Variants in SERPINB2 observed in about 807,000 individuals in gnomAD.
SERPINB2 encodes serpin family B member 2.
A neutral mutation model predicts 39.4 loss-of-function variants in SERPINB2; 28 were observed. The observed-to-expected ratio is 0.71, with a 90% CI of 0.53 to 0.97. The LOEUF is 0.97. SERPINB2 is among the 50% of genes least tolerant of loss of function. The probability of loss-of-function intolerance (pLI) is 0.00; values close to 1 mark genes in which losing one functional copy is unlikely to be tolerated. For missense variants in SERPINB2, 557 were observed against 505.3 expected, an observed-to-expected ratio of 1.10 and a Z score of -0.98; for synonymous variants, 209 against 175.1, an observed-to-expected ratio of 1.19 and a Z score of -1.53.
At chr18:63,890,610 T>C (rs1436256545) in intron 1 of SERPINB2, 1 of 152,186 alleles carries the variant, frequency 6.6e-6, no homozygotes, top group Non-Finnish European at 1.5e-5. Context: ...TACCTTGGTG[T>C]ATACATGAGT....
intron 5 of SERPINB2, among the ~76,000 whole-genome samples, chr18:63,898,663 A>G (rs958376601): frequency 6.6e-6 from 1 of 152,206 alleles, no homozygotes; most frequent in Non-Finnish European, 1.5e-5. Context: ...ATAGAGTAGT[A>G]GTCAGTGCTT....
intron 1 of SERPINB2, 53 bp from the exon 2 acceptor site, chr18:63,891,383 A>G (rs1020856109): frequency 4.1e-5 from 66 of 1,595,870 alleles, no homozygotes; most frequent in Middle Eastern, 1.7e-4. Context: ...ACCTCACCCA[A>G]AATGTTACCT....
chr18:63,892,927 T>C (rs1358183023), intron 2 of SERPINB2, among the ~76,000 whole-genome samples: 1 of 152,186 alleles, frequency 6.6e-6, no homozygotes, highest in East Asian at 1.9e-4. Context: ...CTTAGGTTTT[T>C]TTCTTTTTTC....
Position 63,891,493 on chromosome 18 carries a change from A to C in SERPINB2, c.49A>C (p.Lys17Gln). Reference protein sequence around the residue: ...ANTLFALNLFKHLAKASPTQN... With the variant: ...ANTLFALNLFQHLAKASPTQN... ...CACACTCTTTGCCCTCAATTTATTC[A>C]AGCATCTGGCAAAAGCAAGCCCCAC... The change falls in exon 2 of 8, where the codon AAG becomes CAG. Residue 17 changes from lysine to glutamine, a missense_variant. Transcript: ENST00000299502. The C allele has an allele frequency of 6.2e-7, 1 of 1,614,092 alleles. No homozygotes were observed. The highest frequency in any genetic ancestry group is 8.5e-7 in the Non-Finnish European group (1 of 1,180,006).
intron 2 of SERPINB2, among the ~76,000 whole-genome samples, chr18:63,894,894 G>A (rs1215583825): frequency 1.3e-5 from 2 of 152,044 alleles, no homozygotes; most frequent in East Asian, 3.9e-4. Context: ...GACACACAAG[G>A]TTCTGAGTTA....
Position 63,897,739 on chromosome 18 carries a change from C to T in SERPINB2, c.430C>T (p.Leu144Phe). 6.2e-7 allele frequency: 1 copy of T among 1,604,704 alleles called. No homozygotes were observed. Among genetic ancestry groups the T allele is most frequent in the Non-Finnish European group, 8.5e-7 (1 of 1,171,738 alleles). ...TCTTGCTTTAAAGGAATATATTCGA[C>T]TCTGTCAGAAATATTACTCCTCAGA... ...SASFREEYIR[L>F]CQKYYSSEPQ... Residue 144 changes from leucine to phenylalanine, a missense_variant, in exon 5 of 8, where the codon CTC (leucine) becomes TTC (phenylalanine). Physicochemically the swap from Leu to Phe is conservative, Grantham distance 22 (BLOSUM62 0). Transcript: ENST00000299502.
At chr18:63,900,981 A>G (rs896720454) in intron 5 of SERPINB2, among the ~76,000 whole-genome samples, 5 of 152,150 alleles carry the variant, frequency 3.3e-5, no homozygotes, top group African/African-American at 7.2e-5. Context: ...TAGAGTATCA[A>G]AATAATATAT....
rs2050004617 is a variant in SERPINB2 at position 63,903,134 on chromosome 18, G to A, written c.1077G>A (p.Met359Ile). The A allele has an allele frequency of 6.2e-7, 1 of 1,613,720 alleles. No homozygotes were observed. Residue 359 changes from methionine (M) to isoleucine (I), a missense_variant, in exon 8 of 8, where the codon ATG becomes ATA. Transcript: ENST00000299502. ...LFLSEVFHQA[M>I]VDVNEEGTEA... is the part of the protein sequence containing the mutation. Reference sequence around the variant, plus strand: ...TTTCTGAAGTGTTCCACCAAGCCATGGTGGATGTGAATGAGGAGGGCACTG... The same window carrying A: ...TTTCTGAAGTGTTCCACCAAGCCATAGTGGATGTGAATGAGGAGGGCACTG...
intron 6 of SERPINB2, 116 bp from the exon 7 acceptor site, chr18:63,902,288 T>C: frequency 1.1e-6 from 1 of 914,078 alleles, no homozygotes; most frequent in Non-Finnish European, 1.6e-6. Flanking sequence ...TTTTGTTGAT[T>C]TAAAAAAATC....
chr18:63,892,207 G>A (rs191042568), intron 2 of SERPINB2, among the ~76,000 whole-genome samples: 17 of 152,166 alleles, frequency 1.1e-4, no homozygotes, highest in Admixed American at 7.2e-4. Context: ...GTGAGGTCAC[G>A]GTAGCAGAAT....
intron 6 of SERPINB2, 56 bp from the exon 7 acceptor site, chr18:63,902,348 T>C: frequency 7.0e-7 from 1 of 1,436,040 alleles, no homozygotes; most frequent in South Asian, 1.5e-5. Flanking sequence ...TGTCTAATTG[T>C]AAATCTCTTG....
At chr18:63,902,352 T>C (rs2049997020) in intron 6 of SERPINB2, 52 bp from the exon 7 acceptor site, 1 of 1,445,008 alleles carries the variant, frequency 6.9e-7, no homozygotes, top group Non-Finnish European at 9.3e-7. Flanking sequence ...TAATTGTAAA[T>C]CTCTTGATAT....
chr18:63,891,101 G>T (rs139975080), intron 1 of SERPINB2, among the ~76,000 whole-genome samples: 4 of 152,098 alleles, frequency 2.6e-5, no homozygotes, highest in African/African-American at 7.2e-5. Context: ...ACAAAGTGTC[G>T]CTGCTCATCA....
chr18:63,898,136 ATTGAAATAATTGTGAG>A (rs1421257037), intron 5 of SERPINB2, among the ~76,000 whole-genome samples: 2 of 152,238 alleles, frequency 1.3e-5, no homozygotes, highest in Non-Finnish European at 2.9e-5. Context: ...AAATATCAGC[ATTGAAATAATTGTGAG>A]TCTATGCCCA....
At chr18:63,901,297 T>C (rs144989630) in intron 5 of SERPINB2, among the ~76,000 whole-genome samples, 6 of 152,314 alleles carry the variant, frequency 3.9e-5, no homozygotes, top group African/African-American at 1.2e-4. Context: ...AGGTCTAGTA[T>C]ATTTTTTACA....
At chr18:63,895,565 G>A (rs1464251663) in intron 3 of SERPINB2, among the ~76,000 whole-genome samples, 182 bp downstream of exon 3, 1 of 152,194 alleles carries the variant, frequency 6.6e-6, no homozygotes, top group Non-Finnish European at 1.5e-5. Flanking sequence ...CGAGAGACGA[G>A]CCAGGACAGA....
At chr18:63,893,060 G>C (rs1446147999) in intron 2 of SERPINB2, among the ~76,000 whole-genome samples, 1 of 151,988 alleles carries the variant, frequency 6.6e-6, no homozygotes, top group East Asian at 1.9e-4. Context: ...AGCCTCCCGA[G>C]TAGCTGGGAT....
In SERPINB2 at chr18:63,903,783, C is replaced by A. The variant is rs1352217458; in HGVS notation, c.*478C>A. ...TCTGGAAAAAACATTAAACAATAGG[C>A]AAATATATGTTATGTGCATTTCTAG... is the stretch of plus-strand genomic sequence containing the variant. On this transcript the variant is annotated 3_prime_UTR_variant, in exon 8 of 8. Coordinates refer to ENST00000299502, the MANE Select transcript of SERPINB2 (RefSeq NM_002575.3). 1.3e-5 allele frequency: 2 copies of A among 152,130 alleles called. No homozygotes were observed. Among genetic ancestry groups the A allele is most frequent in the Admixed American group, 6.6e-5 (1 of 15,252 alleles). The allele number at this position is 152,130 out of a possible 1,614,324, so 9.4% of individuals were successfully genotyped here. A position where few individuals can be genotyped will look rare whatever the true frequency, so the allele number is the denominator to read the frequency against.
chr18:63,902,749 T>C (rs924789451), intron 7 of SERPINB2, 152 bp from the exon 8 acceptor site: 1 of 1,060,228 alleles, frequency 9.4e-7, no homozygotes, highest in South Asian at 1.7e-5. Flanking sequence ...CGTGTTACCT[T>C]CTTGTAAAAA....
Sources: allele counts gnomAD v4.1 joint callset (sites outside exome capture counted in the v4.1 genomes callset), GRCh38; gene constraint gnomAD v4.1.1; transcripts MANE v1.5; gene names NCBI Gene and HGNC (gene_info 2026-07-23, HGNC 2026-07-21).